Variants in SLC7A1 observed in about 807,000 individuals in gnomAD.
The protein encoded by SLC7A1 is high affinity cationic amino acid transporter 1.
Under a neutral mutation model 53.9 loss-of-function variants are expected in SLC7A1, and 10 were observed. That is an observed-to-expected ratio of 0.19 (90% CI 0.11 to 0.31). The LOEUF (loss-of-function observed/expected upper bound fraction) is 0.31, where lower values mean the gene tolerates loss of function less well. Among genes scored for constraint, SLC7A1 ranks in the 10% least tolerant of loss-of-function variants. The pLI is 1.00. For synonymous variants in SLC7A1, 342 were observed against 338.7 expected, an observed-to-expected ratio of 1.01 and a Z score of -0.11; for missense variants, 525 against 827.2, an observed-to-expected ratio of 0.63 and a Z score of 4.48.
At position 29,514,144 on chromosome 13, in the gene SLC7A1, GAGA is replaced by G; in HGVS notation, c.*333_*335del. On this transcript the variant is annotated 3_prime_UTR_variant, in exon 13 of 13. Coordinates refer to ENST00000380752, the MANE Select transcript of SLC7A1 (RefSeq NM_003045.5). ...GAAGGCCTGGTTCCCAAGATAAGGA[GAGA>G]AGGTGACCTCCGTTCTGCCTGAGGC... The G allele has an allele frequency of 3.3e-6, 1 of 305,582 alleles. No homozygotes were observed. Among genetic ancestry groups the G allele is most frequent in the East Asian group, 6.6e-5 (1 of 15,186 alleles). 18.9% of individuals were successfully genotyped at this position (305,582 alleles called of 1,614,324 possible). A position where few individuals can be genotyped will look rare whatever the true frequency, so the allele number is the denominator to read the frequency against.
intron 1 of SLC7A1, among the ~76,000 whole-genome samples, chr13:29,555,801 T>C (rs1334330595): frequency 6.6e-6 from 1 of 152,210 alleles, no homozygotes; most frequent in Non-Finnish European, 1.5e-5. Flanking sequence ...GACAGCTCCC[T>C]AAAAGTTGAA....
At position 29,510,398 on chromosome 13, in the gene SLC7A1, A is replaced by C. The variant is rs2490264; in HGVS notation, c.*4082T>G. 0.96 allele frequency: 146,430 copies of C among 152,698 alleles called. 70,329 individuals carry two copies. The highest frequency in any genetic ancestry group is 0.99 in the Non-Finnish European group (67,069 of 68,052). The allele number at this position is 152,698 out of a possible 1,614,324, so 9.5% of individuals were successfully genotyped here. ...CTTCTTGCACCACTGGATCAACAGT[A>C]ATCAATTTCATGACTCGGATAAGGT... On this transcript the variant is annotated 3_prime_UTR_variant, in exon 13 of 13. Coordinates refer to ENST00000380752, the MANE Select transcript of SLC7A1 (RefSeq NM_003045.5).
chr13:29,530,768 G>A, intron 4 of SLC7A1, 56 bp from the exon 5 acceptor site: 1 of 1,474,286 alleles, frequency 6.8e-7, no homozygotes, highest in Non-Finnish European at 9.4e-7. Context: ...AAACTGGGAA[G>A]GTCCTTCCTG....
At chr13:29,523,537 G>A in intron 6 of SLC7A1, 49 bp from the exon 7 acceptor site, 1 of 1,402,016 alleles carries the variant, frequency 7.1e-7, no homozygotes, top group Non-Finnish European at 1.0e-6. Flanking sequence ...AAGAGGCAGT[G>A]TATCTGCCCA....
At chr13:29,567,560 G>C (rs989199764) in intron 1 of SLC7A1, among the ~76,000 whole-genome samples, 1 of 152,316 alleles carries the variant, frequency 6.6e-6, no homozygotes, top group Non-Finnish European at 1.5e-5. Context: ...TGCTCAAAGG[G>C]CTTGGCCGCA....
intron 2 of SLC7A1, among the ~76,000 whole-genome samples, chr13:29,549,973 T>C (rs1347767916): frequency 1.3e-5 from 2 of 152,186 alleles, no homozygotes; most frequent in Non-Finnish European, 2.9e-5. Flanking sequence ...ACTTCTATTG[T>C]TTTTTAAGGA....
chr13:29,555,425 G>A (rs1306231816), intron 1 of SLC7A1, among the ~76,000 whole-genome samples: 2 of 145,164 alleles, frequency 1.4e-5, no homozygotes, highest in African/African-American at 5.1e-5. Context: ...GATCACACCA[G>A]TGGAACTGAA....
intron 2 of SLC7A1, among the ~76,000 whole-genome samples, chr13:29,536,805 G>T (rs1007119537): frequency 6.6e-6 from 1 of 152,216 alleles, no homozygotes; most frequent in Admixed American, 6.5e-5. Flanking sequence ...ACAAGTGAGG[G>T]CTTTTCGTCA....
intron 1 of SLC7A1, among the ~76,000 whole-genome samples, chr13:29,561,310 G>A (rs1870743262): frequency 6.6e-6 from 1 of 152,150 alleles, no homozygotes; most frequent in Non-Finnish European, 1.5e-5. Context: ...ACAGTTAGTG[G>A]TGACGCGCTG....
At chr13:29,581,435 GTT>G (rs1023654912) in intron 1 of SLC7A1, among the ~76,000 whole-genome samples, 1 of 152,170 alleles carries the variant, frequency 6.6e-6, no homozygotes, top group African/African-American at 2.4e-5. Context: ...CACAGCCAAG[GTT>G]TCCCTGAATA....
intron 4 of SLC7A1, 102 bp downstream of exon 4, chr13:29,532,722 T>G: frequency 9.7e-7 from 1 of 1,033,204 alleles, no homozygotes; most frequent in Non-Finnish European, 1.4e-6. Context: ...GAAATGGGGG[T>G]TATGGTTAAA....
intron 1 of SLC7A1, among the ~76,000 whole-genome samples, chr13:29,569,190 C>T (rs531021657): frequency 7.9e-5 from 12 of 152,096 alleles, no homozygotes; most frequent in Non-Finnish European, 1.3e-4. Flanking sequence ...GTATGCATCC[C>T]GAGCTCTCTG....
intron 1 of SLC7A1, among the ~76,000 whole-genome samples, chr13:29,583,868 C>T (rs994217991): frequency 6.6e-6 from 1 of 152,082 alleles, no homozygotes; most frequent in Non-Finnish European, 1.5e-5. Context: ...CCCAAGATTG[C>T]CCTCTGGAAA....
chr13:29,557,494 C>A (rs1233328119), intron 1 of SLC7A1, among the ~76,000 whole-genome samples: 3 of 152,018 alleles, frequency 2.0e-5, no homozygotes, highest in Non-Finnish European at 4.4e-5. Context: ...TGTTACTGTA[C>A]TGAATACTGT....
At chr13:29,544,050 G>A (rs1484790554) in intron 2 of SLC7A1, among the ~76,000 whole-genome samples, 1 of 152,104 alleles carries the variant, frequency 6.6e-6, no homozygotes, top group Non-Finnish European at 1.5e-5. Flanking sequence ...AGCAACATGG[G>A]AGCGCCGGGA....
At chr13:29,587,959 T>C (rs1395946859) in intron 1 of SLC7A1, among the ~76,000 whole-genome samples, 1 of 152,226 alleles carries the variant, frequency 6.6e-6, no homozygotes, top group African/African-American at 2.4e-5. Context: ...ACCTTTCTGG[T>C]CGATCACTCA....
intron 5 of SLC7A1, among the ~76,000 whole-genome samples, chr13:29,525,434 G>C (rs1426442023): frequency 6.6e-6 from 1 of 152,218 alleles, no homozygotes; most frequent in Non-Finnish European, 1.5e-5. Flanking sequence ...AGCATGAAGA[G>C]AGGAACCCTG....
rs766171906 is a variant in SLC7A1 at position 29,532,992 on chromosome 13, A to G, written c.371-10T>C. 1.2e-6 allele frequency: 2 copies of G among 1,610,978 alleles called. No individual in the cohort carries two copies. The highest frequency in any genetic ancestry group is 1.3e-5 in the African/African-American group (1 of 74,966). On this transcript the variant is annotated splice_polypyrimidine_tract_variant and intron_variant, in intron 3 of 12. Transcript: ENST00000380752. ...GCTACGCTTGAAGTACCTGCCACAA[A>G]GCACACACAACAGAGGAGATGTGAG...
At position 29,509,423 on chromosome 13, in the gene SLC7A1, T is replaced by C. The variant is rs1053745870; in HGVS notation, c.*5057A>G. ...GATCACACCATGCACATGGAAGCCA[T>C]AGAATTTATTCGAATTTGCAGAAGC... On this transcript the variant is annotated 3_prime_UTR_variant, in exon 13 of 13. Transcript: ENST00000380752. 9 of 152,440 alleles carry C rather than the reference T, an allele frequency of 5.9e-5. No homozygotes were observed. The highest frequency in any genetic ancestry group is 9.7e-5 in the African/African-American group (4 of 41,438). 9.4% of individuals were successfully genotyped at this position (152,440 alleles called of 1,614,324 possible). A position where few individuals can be genotyped will look rare whatever the true frequency, so the allele number is the denominator to read the frequency against.
Sources: allele counts gnomAD v4.1 joint callset (sites outside exome capture counted in the v4.1 genomes callset), GRCh38; gene constraint gnomAD v4.1.1; transcripts MANE v1.5; gene names NCBI Gene and HGNC (gene_info 2026-07-23, HGNC 2026-07-21).